Variants in GPX3 observed in about 807,000 individuals in gnomAD.
The protein encoded by GPX3 is glutathione peroxidase 3, also known as GPx-3.
Under a neutral mutation model 25.1 loss-of-function variants are expected in GPX3, and 22 were observed. The observed-to-expected ratio is 0.88, with a 90% CI of 0.63 to 1.25. GPX3 has a LOEUF of 1.25. Among genes scored for constraint, GPX3 ranks in the 50% most tolerant of loss-of-function variants. GPX3 has a pLI of 0.00. For missense variants in GPX3, 278 were observed against 286.6 expected (o/e 0.97, Z 0.22); for synonymous variants, 110 against 114.5 (o/e 0.96, Z 0.25).
At chr5:151,026,515 T>G in intron 2 of GPX3, 1 of 171,776 alleles carries the variant, frequency 5.8e-6, no homozygotes, top group Non-Finnish European at 1.2e-5. Flanking sequence ...TATGGGAGGG[T>G]TGTAACCTCA....
intron 1 of GPX3, among the ~76,000 whole-genome samples, chr5:151,023,377 C>A (rs969764912): frequency 1.3e-5 from 2 of 152,164 alleles, no homozygotes; most frequent in African/African-American, 4.8e-5. Context: ...ATTCCCACAA[C>A]CATTTTGGGC....
In GPX3 at chr5:151,028,813, C is replaced by A. The variant is rs551018219; in HGVS notation, c.*683C>A. ...GTCTTCATGAGGGAGGGGCCCAAAG[C>A]CCTTGTGGGCGGACCTCCCCTGAGC... On this transcript the variant is annotated 3_prime_UTR_variant, in exon 5 of 5. Coordinates refer to ENST00000388825, the MANE Select transcript of GPX3 (RefSeq NM_002084.5). The A allele has an allele frequency of 7.0e-4, 107 of 153,388 alleles. No homozygotes were observed. Among genetic ancestry groups the A allele is most frequent in the South Asian group, 3.9e-3 (19 of 4,842 alleles). 9.5% of individuals were successfully genotyped at this position (153,388 alleles called of 1,614,324 possible).
chr5:151,027,079 C>A (rs1756561762), intron 3 of GPX3, 62 bp downstream of exon 3: 4 of 1,086,592 alleles, frequency 3.7e-6, no homozygotes, highest in African/African-American at 1.6e-5. Context: ...TTGTTATCAA[C>A]CCCAAATCAT....
At chr5:151,023,513 CTG>C (rs148861594) in intron 1 of GPX3, among the ~76,000 whole-genome samples, 315 of 152,318 alleles carry the variant, frequency 2.1e-3, no homozygotes, top group African/African-American at 7.3e-3. Flanking sequence ...CAAGCTGAAA[CTG>C]TGCCCAGAAG....
intron 4 of GPX3, 163 bp downstream of exon 4, chr5:151,027,694 C>A: frequency 1.5e-6 from 1 of 661,506 alleles, no homozygotes. Flanking sequence ...TGACTAGGGT[C>A]TCATTGGCCC....
At chr5:151,027,282 C>T in intron 3 of GPX3, 150 bp from the exon 4 acceptor site, 1 of 651,590 alleles carries the variant, frequency 1.5e-6, no homozygotes, top group Non-Finnish European at 2.8e-6. Flanking sequence ...TCACATTATG[C>T]CTATGCCCAC....
intron 4 of GPX3, 94 bp downstream of exon 4, chr5:151,027,625 G>A: frequency 2.4e-6 from 2 of 821,432 alleles, no homozygotes; most frequent in East Asian, 2.5e-5. Context: ...CTGCTCCTGG[G>A]CTCTTGGGGA....
At chr5:151,024,151 G>A (rs1425181011) in intron 1 of GPX3, among the ~76,000 whole-genome samples, 2 of 152,152 alleles carry the variant, frequency 1.3e-5, no homozygotes. Flanking sequence ...CATTCCATTT[G>A]TTTATTGTCT....
At chr5:151,022,207 G>A (rs1756487184) in intron 1 of GPX3, among the ~76,000 whole-genome samples, 1 of 152,224 alleles carries the variant, frequency 6.6e-6, no homozygotes, top group Non-Finnish European at 1.5e-5. Flanking sequence ...CAGCACCGTG[G>A]AGTCAGTCCC....
chr5:151,020,830 T>A, intron 1 of GPX3, 89 bp downstream of exon 1: 1 of 1,239,074 alleles, frequency 8.1e-7, no homozygotes, highest in Non-Finnish European at 1.1e-6. Context: ...TTTCCCAGGC[T>A]CCCCGCCAGA....
chr5:151,023,211 A>T (rs895666870), intron 1 of GPX3, among the ~76,000 whole-genome samples: 1 of 152,116 alleles, frequency 6.6e-6, no homozygotes, highest in Non-Finnish European at 1.5e-5. Flanking sequence ...CCACGTGCCC[A>T]GAGAAGGGAA....
Position 151,020,644 on chromosome 5 carries a change from C to G in GPX3, c.-11C>G. 6.2e-7 allele frequency: 1 copy of G among 1,603,448 alleles called. No homozygotes were observed. The highest frequency in any genetic ancestry group is 8.5e-7 in the Non-Finnish European group (1 of 1,176,350). The stretch of plus-strand genomic sequence containing the variant: ...CGGCTCAGGCGACCCTGAGTGTGCC[C>G]CCACCCCGCCATGGCCCGGCTGCTG... On this transcript the variant is annotated 5_prime_UTR_variant, in exon 1 of 5. Coordinates refer to ENST00000388825, the MANE Select transcript of GPX3 (RefSeq NM_002084.5).
rs986701668 is a variant in GPX3 at position 151,028,231 on chromosome 5, T to C, written c.*101T>C. The C allele has an allele frequency of 2.9e-6, 3 of 1,039,450 alleles. No homozygotes were observed. 64.4% of individuals were successfully genotyped at this position (1,039,450 alleles called of 1,614,324 possible). On this transcript the variant is annotated 3_prime_UTR_variant, in exon 5 of 5. Coordinates refer to ENST00000388825, the MANE Select transcript of GPX3 (RefSeq NM_002084.5). ...CACTATCTACCCATCACAGACCCCT[T>C]TCCTATCACTCAAGGCCCCAGCCTG...
chr5:151,027,998 TGAG>T lies in GPX3; in HGVS notation c.550_552del (p.Glu184del). On this transcript the variant is annotated inframe_deletion, in exon 5 of 5. Transcript: ENST00000388825. ...AGGTTCACGACATCCGCTGGAACTTTGAGAAGTTCCTGGTGGGGCCAGATGGTA... is the reference window on the plus strand; with the variant it reads ...AGGTTCACGACATCCGCTGGAACTTTAAGTTCCTGGTGGGGCCAGATGGTA... The T allele has an allele frequency of 6.2e-7, 1 of 1,614,188 alleles. No individual in the cohort carries two copies. Among genetic ancestry groups the T allele is most frequent in the Non-Finnish European group, 8.5e-7 (1 of 1,180,014 alleles).
chr5:151,023,282 C>CG (rs1443274620), intron 1 of GPX3, among the ~76,000 whole-genome samples: 1 of 152,138 alleles, frequency 6.6e-6, no homozygotes, highest in Non-Finnish European at 1.5e-5. Context: ...GGCTCTCCAC[C>CG]CATGGGCCAC....
At chr5:151,026,878 C>G (rs1756556636) in intron 2 of GPX3, 22 bp from the exon 3 acceptor site, 1 of 1,561,638 alleles carries the variant, frequency 6.4e-7, no homozygotes, top group Admixed American at 1.7e-5. Flanking sequence ...ACTCCCACAT[C>G]TGCTCTTTCT....
chr5:151,024,164 C>G (rs961682854), intron 1 of GPX3, among the ~76,000 whole-genome samples: 2 of 152,166 alleles, frequency 1.3e-5, no homozygotes, highest in Admixed American at 1.3e-4. Flanking sequence ...TATTGTCTGC[C>G]CACCTCTCAA....
chr5:151,020,815 C>G (rs747200972), intron 1 of GPX3, 74 bp downstream of exon 1: 1 of 1,345,978 alleles, frequency 7.4e-7, no homozygotes, highest in South Asian at 1.2e-5. Flanking sequence ...GTGCAATGCA[C>G]CCCTTTTCCC....
chr5:151,028,226 C>T lies in GPX3; in HGVS notation c.*96C>T. 9.1e-7 allele frequency: 1 copy of T among 1,096,454 alleles called. No individual in the cohort carries two copies. Among genetic ancestry groups the T allele is most frequent in the South Asian group, 1.4e-5 (1 of 69,860 alleles). 67.9% of individuals were successfully genotyped at this position (1,096,454 alleles called of 1,614,324 possible). On this transcript the variant is annotated 3_prime_UTR_variant, in exon 5 of 5. Coordinates refer to ENST00000388825, the MANE Select transcript of GPX3 (RefSeq NM_002084.5). ...AACCACACTATCTACCCATCACAGA[C>T]CCCTTTCCTATCACTCAAGGCCCCA...
Sources: gnomAD v4.1 joint callset for allele counts (sites outside exome capture counted in the v4.1 genomes callset) on GRCh38, gnomAD v4.1.1 for gene constraint, MANE v1.5 for transcripts, NCBI Gene and HGNC (gene_info 2026-07-23, HGNC 2026-07-21) for gene names.